NBEA: variants seen among roughly 807,000 people sequenced by gnomAD.
NBEA encodes neurobeachin.
A neutral mutation model predicts 343.4 loss-of-function variants in NBEA; 44 were observed. That is an observed-to-expected ratio of 0.13 (90% confidence interval 0.10 to 0.16). The LOEUF is 0.16. Among genes scored for constraint, NBEA ranks in the 10% least tolerant of loss-of-function variants. The probability of loss-of-function intolerance (pLI) is 1.00; values close to 1 mark genes in which losing one functional copy is unlikely to be tolerated. For synonymous variants in NBEA, 1,175 were observed against 1,238.7 expected (o/e 0.95, Z 1.08); for missense variants, 2,555 against 3,631.3 (o/e 0.70, Z 7.62).
intron 18 of NBEA, among the ~76,000 whole-genome samples, chr13:35,147,058 T>A (rs2068475673): frequency 6.6e-6 from 1 of 152,196 alleles, no homozygotes; most frequent in Non-Finnish European, 1.5e-5. Flanking sequence ...TTATTTCCCT[T>A]ATTTTATCAT....
intron 31 of NBEA, among the ~76,000 whole-genome samples, chr13:35,197,421 C>G (rs990633328): frequency 6.6e-6 from 1 of 151,966 alleles, no homozygotes. Context: ...TTCCATATTG[C>G]TTTCTCTAAA....
chr13:35,521,453 A>C (rs1021717803), intron 41 of NBEA, among the ~76,000 whole-genome samples: 18 of 152,216 alleles, frequency 1.2e-4, no homozygotes, highest in African/African-American at 2.4e-5. Flanking sequence ...AAGCAATAGG[A>C]GTAGCTCATG....
At chr13:35,222,673 C>G (rs1566481189) in intron 33 of NBEA, among the ~76,000 whole-genome samples, 2 of 152,074 alleles carry the variant, frequency 1.3e-5, no homozygotes, top group Non-Finnish European at 2.9e-5. Flanking sequence ...AGGGGCTTCT[C>G]TACGACTTAC....
At chr13:35,611,798 A>C (rs1469416410) in intron 48 of NBEA, among the ~76,000 whole-genome samples, 1 of 152,164 alleles carries the variant, frequency 6.6e-6, no homozygotes, top group Non-Finnish European at 1.5e-5. Flanking sequence ...CATTTTGTTC[A>C]CCCATTCATC....
chr13:34,957,026 C>T (rs1214147800), intron 1 of NBEA, among the ~76,000 whole-genome samples: 2 of 151,366 alleles, frequency 1.3e-5, no homozygotes, highest in Admixed American at 6.6e-5. Flanking sequence ...TATATATACA[C>T]ACACACACAC....
chr13:35,335,766 A>G (rs2039215705), intron 36 of NBEA, among the ~76,000 whole-genome samples: 1 of 152,060 alleles, frequency 6.6e-6, no homozygotes, highest in Admixed American at 6.6e-5. Context: ...TTAGGCAAAT[A>G]GTGCGTTAAC....
intron 38 of NBEA, among the ~76,000 whole-genome samples, chr13:35,385,176 T>C (rs190474011): frequency 2.0e-3 from 303 of 152,332 alleles, no homozygotes; most frequent in African/African-American, 6.9e-3. Context: ...TAGACTTCAG[T>C]AAGTTAAGGT....
chr13:35,355,977 A>G (rs1174152839), intron 38 of NBEA, among the ~76,000 whole-genome samples: 2 of 152,024 alleles, frequency 1.3e-5, no homozygotes, highest in Non-Finnish European at 2.9e-5. Context: ...TTGTTTTCCA[A>G]TAGCATGTAA....
chr13:35,318,751 T>C (rs933884922), intron 36 of NBEA, among the ~76,000 whole-genome samples: 5 of 152,076 alleles, frequency 3.3e-5, no homozygotes, highest in Non-Finnish European at 7.4e-5. Flanking sequence ...TTGTTGTTGT[T>C]GGTAGGCTAT....
At chr13:35,481,864 T>A (rs2076133962) in intron 41 of NBEA, among the ~76,000 whole-genome samples, 1 of 151,856 alleles carries the variant, frequency 6.6e-6, no homozygotes. Flanking sequence ...ACATTTTTAG[T>A]ACTCTTAATA....
intron 38 of NBEA, among the ~76,000 whole-genome samples, chr13:35,427,741 A>G (rs2152928148): frequency 6.6e-6 from 1 of 152,308 alleles, no homozygotes; most frequent in East Asian, 1.9e-4. Flanking sequence ...AGTGGAGCCT[A>G]CAGAGGCAGG....
At chr13:34,946,689 T>C (rs1387778621) in intron 1 of NBEA, among the ~76,000 whole-genome samples, 1 of 151,376 alleles carries the variant, frequency 6.6e-6, no homozygotes, top group Non-Finnish European at 1.5e-5. Context: ...TAGAAAATGA[T>C]ATTTCCTCTG....
At chr13:35,046,488 TTATCCATGGGG>T (rs2152561530) in intron 4 of NBEA, among the ~76,000 whole-genome samples, 1 of 152,228 alleles carries the variant, frequency 6.6e-6, no homozygotes, top group South Asian at 2.1e-4. Flanking sequence ...TAGTCCCGCC[TTATCCATGGGG>T]TATATATGTT....
intron 47 of NBEA, among the ~76,000 whole-genome samples, chr13:35,600,914 T>C (rs1041484023): frequency 6.6e-6 from 1 of 152,158 alleles, no homozygotes; most frequent in African/African-American, 2.4e-5. Context: ...CGGTGGTTCA[T>C]GCCTGTAATC....
chr13:35,067,390 C>CA (rs1314149635), intron 8 of NBEA, among the ~76,000 whole-genome samples: 1 of 151,920 alleles, frequency 6.6e-6, no homozygotes, highest in Admixed American at 6.6e-5. Context: ...GTAATTAGTA[C>CA]AAAATATATT....
intron 38 of NBEA, among the ~76,000 whole-genome samples, chr13:35,409,279 G>A (rs1203129016): frequency 1.3e-5 from 2 of 152,022 alleles, no homozygotes; most frequent in African/African-American, 4.8e-5. Context: ...ACTTGTAAAT[G>A]GAAGCTAAAT....
intron 2 of NBEA, among the ~76,000 whole-genome samples, chr13:35,044,730 T>A (rs1239740320): frequency 6.6e-6 from 1 of 151,384 alleles, no homozygotes; most frequent in Non-Finnish European, 1.5e-5. Flanking sequence ...ATCATGTAAT[T>A]CAAATAAATT....
In NBEA at chr13:35,548,047, C is replaced by CAGGCG. The variant is rs2079143960; in HGVS notation, c.6586-2429_6586-2425dup. 1.3e-5 allele frequency among the ~76,000 whole-genome samples: 2 copies of CAGGCG among 152,160 alleles called. 1 individual carries two copies. Among genetic ancestry groups the CAGGCG allele is most frequent in the Admixed American group, 1.3e-4 (2 of 15,270 alleles). On this transcript the variant is annotated intron_variant, in intron 41 of 58. Coordinates refer to ENST00000379939, the MANE Select transcript of NBEA (RefSeq NM_001385012.1). ...CGTCCCAGAGCCAAGTGCTGGAGAA[C>CAGGCG]AGGCGCCTGCCAAGTGAGAACACCA... is the stretch of plus-strand genomic sequence containing the variant.
chr13:35,635,944 G>A (rs564424942), intron 49 of NBEA, among the ~76,000 whole-genome samples: 3 of 152,218 alleles, frequency 2.0e-5, no homozygotes, highest in South Asian at 2.1e-4. Flanking sequence ...TTCTTTCTTC[G>A]CTTTGTGTTA....
Sources: allele counts gnomAD v4.1 joint callset (sites outside exome capture counted in the v4.1 genomes callset), GRCh38; gene constraint gnomAD v4.1.1; transcripts MANE v1.5; gene names NCBI Gene and HGNC (gene_info 2026-07-23, HGNC 2026-07-21).